The following PRKCA variants were observed in gnomAD, a reference collection of about 807,000 sequenced individuals.
PRKCA encodes the protein protein kinase C alpha, also known as protein kinase C alpha type.
Under a neutral mutation model 87.0 loss-of-function variants are expected in PRKCA, and 27 were observed. That is an observed-to-expected ratio of 0.31 (90% CI 0.23 to 0.43). The LOEUF is 0.43. Among genes scored for constraint, PRKCA ranks in the 20% least tolerant of loss-of-function variants. The probability of loss-of-function intolerance (pLI) is 1.00; values close to 1 mark genes in which losing one functional copy is unlikely to be tolerated. For missense variants in PRKCA, 518 were observed against 852.3 expected (o/e 0.61, Z 4.88); for synonymous variants, 329 against 311.1 (o/e 1.06, Z -0.61).
At chr17:66,765,434 A>ATCTATATC (rs1568020971) in intron 13 of PRKCA, among the ~76,000 whole-genome samples, 5 of 132,140 alleles carry the variant, frequency 3.8e-5, no homozygotes, top group Non-Finnish European at 8.1e-5. Flanking sequence ...ATATATATAT[A>ATCTATATC]TATATATATA....
Position 66,566,103 on chromosome 17 carries a change from T to A in PRKCA, c.288+69820T>A, listed in dbSNP as rs112806558. The stretch of plus-strand genomic sequence containing the variant: ...GGACGGATAGGTGGGGTATCCAGAG[T>A]CCTTGGATACCTTGTCTTCCTGGAC... On this transcript the variant is annotated intron_variant, in intron 3 of 16. Transcript: ENST00000413366. Among the ~76,000 whole-genome samples the A allele has an allele frequency of 7.9e-3, 1,198 of 152,010 alleles. 19 individuals carry two copies. Among genetic ancestry groups the A allele is most frequent in the African/African-American group, 0.024 (1,010 of 41,464 alleles).
chr17:66,668,117 G>GC lies in PRKCA; in HGVS notation c.530-18992dup, dbSNP rs763013160. ...GAAAGAAAGCAAGAAGATTTTTTGG[G>GC]CCTCCCCTTTTGCTCAGATAAACAG... On this transcript the variant is annotated intron_variant, in intron 5 of 16. Coordinates refer to ENST00000413366, the MANE Select transcript of PRKCA (RefSeq NM_002737.3). Among the ~76,000 whole-genome samples, 20 of 152,270 alleles carry GC rather than the reference G, an allele frequency of 1.3e-4. No homozygotes were observed. In the East Asian group the frequency reaches 3.5e-3, roughly 26 times the overall value.
At chr17:66,671,422 C>A (rs1036839623) in intron 5 of PRKCA, among the ~76,000 whole-genome samples, 1 of 152,032 alleles carries the variant, frequency 6.6e-6, no homozygotes, top group Admixed American at 6.6e-5. Flanking sequence ...CAAGCCTCAG[C>A]TTTCCTCGTC....
intron 15 of PRKCA, among the ~76,000 whole-genome samples, chr17:66,788,633 A>G (rs1975457980): frequency 6.6e-6 from 1 of 152,058 alleles, no homozygotes; most frequent in Admixed American, 6.6e-5. Context: ...CTTGAAAACC[A>G]CCATAGGAAG....
intron 2 of PRKCA, among the ~76,000 whole-genome samples, chr17:66,348,986 A>G (rs1345452659): frequency 2.6e-5 from 4 of 152,210 alleles, no homozygotes; most frequent in Non-Finnish European, 5.9e-5. Context: ...TTTTTCATAA[A>G]ACCTTTCTGT....
chr17:66,740,920 G>T (rs1166985883), intron 11 of PRKCA, among the ~76,000 whole-genome samples: 1 of 152,146 alleles, frequency 6.6e-6, no homozygotes. Flanking sequence ...CTCGTTAAGG[G>T]TTTGGTCTTG....
intron 3 of PRKCA, among the ~76,000 whole-genome samples, chr17:66,552,281 G>C (rs533587523): frequency 4.9e-4 from 74 of 152,304 alleles, no homozygotes; most frequent in African/African-American, 1.8e-3. Context: ...CTGGGTAATA[G>C]CTAAGACCCT....
intron 13 of PRKCA, among the ~76,000 whole-genome samples, chr17:66,749,949 C>A (rs1009947887): frequency 6.6e-6 from 1 of 152,098 alleles, no homozygotes; most frequent in African/African-American, 2.4e-5. Flanking sequence ...AATGGGACAT[C>A]ATCCCAGGTC....
intron 3 of PRKCA, among the ~76,000 whole-genome samples, chr17:66,611,636 G>A (rs1345118589): frequency 6.6e-6 from 1 of 152,180 alleles, no homozygotes; most frequent in Admixed American, 6.5e-5. Flanking sequence ...GAATAATTCT[G>A]CCATGAACAT....
chr17:66,725,064 C>G (rs1264468890), intron 8 of PRKCA, among the ~76,000 whole-genome samples: 1 of 152,210 alleles, frequency 6.6e-6, no homozygotes, highest in African/African-American at 2.4e-5. Context: ...GGCATGGTTT[C>G]AGCTTGCTGG....
At chr17:66,409,171 A>G (rs1293111419) in intron 2 of PRKCA, among the ~76,000 whole-genome samples, 1 of 151,994 alleles carries the variant, frequency 6.6e-6, no homozygotes, top group East Asian at 1.9e-4. Context: ...TGTGACGTCC[A>G]CTCATGAAAG....
At chr17:66,475,841 TC>T (rs1915513230) in intron 2 of PRKCA, among the ~76,000 whole-genome samples, 1 of 152,154 alleles carries the variant, frequency 6.6e-6, no homozygotes, top group African/African-American at 2.4e-5. Context: ...AAGATTTTCC[TC>T]CCTAATTGTG....
chr17:66,728,282 C>T (rs1394280266), intron 8 of PRKCA, among the ~76,000 whole-genome samples: 1 of 152,226 alleles, frequency 6.6e-6, no homozygotes, highest in Non-Finnish European at 1.5e-5. Flanking sequence ...GGCCAGGCCA[C>T]TGAGAAGCTA....
intron 14 of PRKCA, among the ~76,000 whole-genome samples, chr17:66,783,439 T>C (rs972758417): frequency 3.9e-5 from 6 of 152,174 alleles, no homozygotes; most frequent in Admixed American, 3.3e-4. Context: ...CAGCCTTCAG[T>C]GGGGCCCAGA....
intron 3 of PRKCA, among the ~76,000 whole-genome samples, chr17:66,522,703 A>G (rs1967204050): frequency 6.6e-6 from 1 of 152,080 alleles, no homozygotes; most frequent in Non-Finnish European, 1.5e-5. Context: ...GTTTATGTGC[A>G]TAGCAGTGAA....
chr17:66,465,562 A>ATTT (rs113385632), intron 2 of PRKCA, among the ~76,000 whole-genome samples: 34 of 143,964 alleles, frequency 2.4e-4, no homozygotes, highest in African/African-American at 5.6e-4. Flanking sequence ...TGGCTAGTTA[A>ATTT]TTTTTTTTTT....
rs552211218 is a variant in PRKCA, at chr17:66,803,247, C to T, written c.1855-626C>T. ...GCTCCAGTCAGTCACCCAGCCTGCC[C>T]GCTGGCCAGCTCTGTCTAGGTGTGC... On this transcript the variant is annotated intron_variant, in intron 16 of 16. Transcript: ENST00000413366. This position sits in a 1 kb window ranked among gnomAD's most constrained non-coding sequence, Gnocchi z 4.4. 3.2e-4 allele frequency among the ~76,000 whole-genome samples: 48 copies of T among 152,244 alleles called. No homozygotes were observed. Among genetic ancestry groups the T allele is most frequent in the African/African-American group, 9.1e-4 (38 of 41,538 alleles).
Position 66,467,983 on chromosome 17 carries a change from C to T in PRKCA, c.206-28218C>T, listed in dbSNP as rs542895819. On this transcript the variant is annotated intron_variant, in intron 2 of 16. Coordinates refer to ENST00000413366, the MANE Select transcript of PRKCA (RefSeq NM_002737.3). ...TCCTTGCTGATAGTTCCACTTTCCT[C>T]GTGTTTGACAGAAATGACTCTTAGT... 7.2e-5 allele frequency among the ~76,000 whole-genome samples: 11 copies of T among 152,164 alleles called. No homozygotes were observed. The South Asian group carries it at 1.7e-3, about 23-fold the overall frequency.
At chr17:66,477,688 A>G (rs1353061465) in intron 2 of PRKCA, among the ~76,000 whole-genome samples, 1 of 152,240 alleles carries the variant, frequency 6.6e-6, no homozygotes, top group African/African-American at 2.4e-5. Flanking sequence ...CAACAGAGTG[A>G]GACTCCGTCT....
Sources: allele counts gnomAD v4.1 joint callset (sites outside exome capture counted in the v4.1 genomes callset), GRCh38; gene constraint gnomAD v4.1.1; non-coding constraint Gnocchi (gnomAD v3.1); transcripts MANE v1.5; gene names NCBI Gene and HGNC (gene_info 2026-07-23, HGNC 2026-07-21).